EMSY: variants seen among roughly 807,000 people sequenced by gnomAD.
EMSY encodes BRCA2-interacting transcriptional repressor EMSY.
Under a neutral mutation model 134.6 loss-of-function variants are expected in EMSY, and 26 were observed. The observed-to-expected ratio is 0.19, with a 90% CI of 0.14 to 0.27. The LOEUF (loss-of-function observed/expected upper bound fraction) is 0.27, where lower values mean the gene tolerates loss of function less well. Ranked by LOEUF, EMSY falls within the 10% of genes least tolerant of loss-of-function variation. The probability of loss-of-function intolerance (pLI) is 1.00; values close to 1 mark genes in which losing one functional copy is unlikely to be tolerated. For synonymous variants in EMSY, 579 were observed against 577.8 expected, an observed-to-expected ratio of 1.00 and a Z score of -0.03; for missense variants, 1,305 against 1,611.4, an observed-to-expected ratio of 0.81 and a Z score of 3.26.
At chr11:76,537,259 G>T (rs1591007261) in intron 15 of EMSY, among the ~76,000 whole-genome samples, 1 of 151,972 alleles carries the variant, frequency 6.6e-6, no homozygotes, top group African/African-American at 2.4e-5. Flanking sequence ...TAGAAACAAA[G>T]AAGCCATTTT....
rs1474738032 is a variant in EMSY, at chr11:76,518,702, TA to T, written c.1684+2391del. ...GTGCGCGCATATATATATATATATA[TA>T]TTTTTTTTTTAATTGGGATCTAATA... On this transcript the variant is annotated intron_variant, in intron 11 of 20. Coordinates refer to ENST00000334736, the Ensembl canonical transcript of EMSY. Among the ~76,000 whole-genome samples the T allele has an allele frequency of 8.3e-3, 1,018 of 123,304 alleles. 7 individuals carry two copies. The highest frequency in any genetic ancestry group is 0.019 in the South Asian group (66 of 3,494). 80.9% of individuals were successfully genotyped at this position (123,304 alleles called of 152,430 possible). A position where few individuals can be genotyped will look rare whatever the true frequency, so the allele number is the denominator to read the frequency against.
intron 9 of EMSY, among the ~76,000 whole-genome samples, chr11:76,507,932 A>T (rs1056027704): frequency 6.8e-6 from 1 of 146,888 alleles, no homozygotes; most frequent in Non-Finnish European, 1.5e-5. Context: ...TGACACAATC[A>T]TAGTTCACTG....
rs372022374 is a variant in EMSY at position 76,547,864 on chromosome 11, C to T, written c.3774+1567C>T. Among the ~76,000 whole-genome samples, 140 of 152,258 alleles carry T rather than the reference C, an allele frequency of 9.2e-4. 4 individuals are homozygous for T. The South Asian group carries it at 0.027, about 30-fold the overall frequency. On this transcript the variant is annotated intron_variant, in intron 20 of 20. Transcript: ENST00000334736. Reference sequence around the variant, plus strand: ...TAATGGATAGGTTCTTTACAGAATTCGCAGCCAGCTTTTAGCATGTCCCAT... The same window carrying T: ...TAATGGATAGGTTCTTTACAGAATTTGCAGCCAGCTTTTAGCATGTCCCAT...
intron 16 of EMSY, among the ~76,000 whole-genome samples, chr11:76,539,068 A>G (rs910888731): frequency 6.6e-6 from 1 of 152,196 alleles, no homozygotes; most frequent in Non-Finnish European, 1.5e-5. Context: ...GCAGCAAAAC[A>G]CTGAGATTTT....
intron 14 of EMSY, among the ~76,000 whole-genome samples, chr11:76,530,662 G>A (rs1436893886): frequency 1.3e-5 from 2 of 152,120 alleles, no homozygotes; most frequent in Non-Finnish European, 2.9e-5. Flanking sequence ...AATAGGCATA[G>A]TTGACTGTAA....
At chr11:76,521,891 A>G (rs1950650587) in intron 11 of EMSY, among the ~76,000 whole-genome samples, 1 of 152,054 alleles carries the variant, frequency 6.6e-6, no homozygotes, top group African/African-American at 2.4e-5. Flanking sequence ...AGGGCAACAT[A>G]GTGAGACCTT....
Position 76,496,198 on chromosome 11 carries a change from T to G in EMSY, c.1109-17T>G. The G allele has an allele frequency of 6.3e-7, 1 of 1,596,836 alleles. No homozygotes were observed. The highest frequency in any genetic ancestry group is 1.7e-4 in the Middle Eastern group (1 of 5,960). ...CTTTCCTATCAAATTCTCTTTTCCC[T>G]TACTCCTTTTCTACAGGTGTATCTA... is the stretch of plus-strand genomic sequence containing the variant. On this transcript the variant is annotated splice_polypyrimidine_tract_variant and intron_variant, in intron 8 of 20. Transcript: ENST00000334736.
chr11:76,515,933 G>A (rs571655496), intron 10 of EMSY, among the ~76,000 whole-genome samples: 1 of 152,274 alleles, frequency 6.6e-6, no homozygotes, highest in East Asian at 1.9e-4. Context: ...AATTTTATGT[G>A]TAAAATTAAT....
chr11:76,452,073 A>C, intron 3 of EMSY, 116 bp downstream of exon 3: 1 of 605,512 alleles, frequency 1.7e-6, no homozygotes, highest in East Asian at 3.3e-5. Context: ...AGGTGTTCAA[A>C]TTGTTGGTGC....
chr11:76,524,060 T>A (rs1354620148), intron 12 of EMSY, among the ~76,000 whole-genome samples: 4 of 151,990 alleles, frequency 2.6e-5, no homozygotes, highest in Non-Finnish European at 4.4e-5. Flanking sequence ...AAACAAAAAA[T>A]AAATAAATAA....
intron 17 of EMSY, among the ~76,000 whole-genome samples, chr11:76,540,806 A>C (rs1048101326): frequency 1.3e-5 from 2 of 152,234 alleles, no homozygotes; most frequent in Admixed American, 1.3e-4. Context: ...TTATTGAGAA[A>C]GTTTCAATAA....
intron 4 of EMSY, among the ~76,000 whole-genome samples, chr11:76,456,504 A>G (rs1947879221): frequency 6.6e-6 from 1 of 152,210 alleles, no homozygotes; most frequent in Non-Finnish European, 1.5e-5. Flanking sequence ...GTGATATTAT[A>G]ATAAACTGAT....
At chr11:76,545,923 A>G (rs1951629889) in exon 20 of EMSY, 1 of 1,614,200 alleles carries the variant, frequency 6.2e-7, no homozygotes, top group Non-Finnish European at 8.5e-7. Flanking sequence ...ACCAGTTACA[A>G]GCATATCTCC....
chr11:76,482,759 A>G (rs1403934440), intron 8 of EMSY, among the ~76,000 whole-genome samples: 2 of 152,212 alleles, frequency 1.3e-5, no homozygotes, highest in Non-Finnish European at 2.9e-5. Context: ...ATGTGAAAAG[A>G]CCAAACCTGC....
At chr11:76,465,814 CTG>C (rs997412514) in intron 7 of EMSY, among the ~76,000 whole-genome samples, 3 of 152,168 alleles carry the variant, frequency 2.0e-5, no homozygotes, top group African/African-American at 7.2e-5. Context: ...ACAGAAAGCT[CTG>C]TGTGTATGGG....
chr11:76,552,486 T>C (rs878951875), downstream of EMSY: 6 of 152,336 alleles, frequency 3.9e-5, no homozygotes, highest in South Asian at 1.2e-3. Context: ...CTTTGAAGGA[T>C]ATTAACAAAT....
chr11:76,506,762 G>T (rs1950094706), intron 9 of EMSY, among the ~76,000 whole-genome samples: 1 of 152,164 alleles, frequency 6.6e-6, no homozygotes, highest in Admixed American at 6.5e-5. Flanking sequence ...TACATTACTG[G>T]TAGGAAAATA....
intron 14 of EMSY, among the ~76,000 whole-genome samples, chr11:76,531,960 T>A (rs1951056616): frequency 6.6e-6 from 1 of 152,148 alleles, no homozygotes; most frequent in Admixed American, 6.5e-5. Context: ...AAATTTTTAT[T>A]TCTCAACTGT....
intron 15 of EMSY, 94 bp from the exon 17 acceptor site, chr11:76,537,701 C>A (rs904800022): frequency 1.5e-5 from 17 of 1,148,214 alleles, no homozygotes; most frequent in Non-Finnish European, 2.0e-5. Flanking sequence ...CAGTGTGGCA[C>A]CCCAGAGGTC....
Sources: gnomAD v4.1 joint callset for allele counts (sites outside exome capture counted in the v4.1 genomes callset) on GRCh38, gnomAD v4.1.1 for gene constraint, MANE v1.5 for transcripts, NCBI Gene and HGNC (gene_info 2026-07-23, HGNC 2026-07-21) for gene names.